SEC31A: variants seen among roughly 807,000 people sequenced by gnomAD.
SEC31A encodes SEC31 homolog A, COPII component.
Under a neutral mutation model 151.0 loss-of-function variants are expected in SEC31A, and 70 were observed. The observed-to-expected ratio is 0.46, with a 90% confidence interval of 0.38 to 0.57. The LOEUF (loss-of-function observed/expected upper bound fraction) is 0.57. Among genes scored for constraint, SEC31A ranks in the 20% least tolerant of loss-of-function variants. SEC31A has a pLI of 0.00. For synonymous variants in SEC31A, 475 were observed against 505.9 expected (o/e 0.94, Z 0.82); for missense variants, 1,330 against 1,471.2 (o/e 0.90, Z 1.57).
chr4:82,880,428 A>G (rs1739014778), intron 3 of SEC31A, among the ~76,000 whole-genome samples: 1 of 151,180 alleles, frequency 6.6e-6, no homozygotes, highest in Non-Finnish European at 1.5e-5. Context: ...TGTCGCTACT[A>G]AAGACACAAA....
intron 26 of SEC31A, 45 bp downstream of exon 26, chr4:82,820,992 C>T (rs1723185034): frequency 6.6e-7 from 1 of 1,519,062 alleles, no homozygotes; most frequent in South Asian, 1.1e-5. Flanking sequence ...TTACTAGCAA[C>T]TAGGAATAAA....
chr4:82,872,905 A>G (rs899886706), intron 6 of SEC31A, among the ~76,000 whole-genome samples: 2 of 152,064 alleles, frequency 1.3e-5, no homozygotes, highest in Non-Finnish European at 2.9e-5. Flanking sequence ...GGGTTTCACC[A>G]TGTTGCCCAG....
rs558262274 is a variant in SEC31A at position 82,878,672 on chromosome 4, T to C, written c.402+58A>G. 7.6e-5 allele frequency: 108 copies of C among 1,421,162 alleles called. No individual in the cohort carries two copies. In the African/African-American group the frequency reaches 1.3e-3, roughly 17 times the overall value. 88.0% of individuals were successfully genotyped at this position (1,421,162 alleles called of 1,614,324 possible). A position where few individuals can be genotyped will look rare whatever the true frequency, so the allele number is the denominator to read the frequency against. On this transcript the variant is annotated intron_variant, in intron 4 of 26. Coordinates refer to ENST00000395310, the MANE Select transcript of SEC31A (RefSeq NM_001077207.4). ...AAAACTGAGGCATAGTAGATTCATA[T>C]ACTGATTTCAAATGAGCAGCACATA... is the stretch of plus-strand genomic sequence containing the variant.
chr4:82,870,196 A>G, intron 8 of SEC31A, 129 bp downstream of exon 8: 1 of 588,490 alleles, frequency 1.7e-6, no homozygotes, highest in Non-Finnish European at 2.9e-6. Flanking sequence ...CCAAATAAAC[A>G]CTGCACACAC....
chr4:82,885,667 C>A (rs1279272557), intron 1 of SEC31A, among the ~76,000 whole-genome samples: 1 of 152,174 alleles, frequency 6.6e-6, no homozygotes, highest in Non-Finnish European at 1.5e-5. Context: ...TGACTCATAG[C>A]CATTACAGAT....
At chr4:82,865,581 T>TATATATATATAC (rs1553932978) in intron 10 of SEC31A, among the ~76,000 whole-genome samples, 2 of 96,450 alleles carry the variant, frequency 2.1e-5, no homozygotes, top group Non-Finnish European at 4.6e-5. Context: ...TATATATATA[T>TATATATATATAC]ATACAATGCA....
rs1369058621 is a variant in SEC31A, at chr4:82,878,762, G to C, written c.370C>G (p.Pro124Ala). Residue 124 changes from proline (P) to alanine (A), a missense_variant, in exon 4 of 27, where the codon CCA (proline) becomes GCA (alanine). Coordinates refer to ENST00000395310, the MANE Select transcript of SEC31A (RefSeq NM_001077207.4). ...ATGTTCACATCCAAGGCTCTCACTG[G>C]GCCAGTATGCTTGTCATTCTGGGCA... ...VIAQNDKHTG[P>A]VRALDVNIFQ... The C allele has an allele frequency of 6.2e-7, 1 of 1,613,938 alleles. No individual in the cohort carries two copies. Among genetic ancestry groups the C allele is most frequent in the Non-Finnish European group, 8.5e-7 (1 of 1,179,918 alleles).
intron 7 of SEC31A, chr4:82,871,562 G>A: frequency 1.5e-6 from 1 of 655,198 alleles, no homozygotes; most frequent in Non-Finnish European, 2.6e-6. Flanking sequence ...GATCACTTGA[G>A]GTCAGAAGTT....
upstream of SEC31A, among the ~76,000 whole-genome samples, chr4:82,892,566 T>C (rs1264894247): frequency 1.3e-5 from 2 of 152,252 alleles, no homozygotes; most frequent in East Asian, 1.9e-4. Flanking sequence ...TAATTATCCA[T>C]TTTTATAAAT....
intron 10 of SEC31A, among the ~76,000 whole-genome samples, chr4:82,865,808 A>C (rs1735241304): frequency 2.6e-5 from 4 of 152,066 alleles, no homozygotes; most frequent in Admixed American, 2.6e-4. Flanking sequence ...CTGTTGTTCA[A>C]GGGCACAGAG....
intron 25 of SEC31A, among the ~76,000 whole-genome samples, chr4:82,823,847 C>T (rs558986368): frequency 6.2e-4 from 94 of 152,326 alleles, no homozygotes; most frequent in African/African-American, 2.2e-3. Context: ...CACCATTATG[C>T]TCCATTTATG....
chr4:82,874,628 T>C lies in SEC31A; in HGVS notation c.622A>G (p.Ser208Gly), dbSNP rs1439322963. The C allele has an allele frequency of 5.0e-6, 8 of 1,609,844 alleles. No individual in the cohort carries two copies. Among genetic ancestry groups the C allele is most frequent in the Non-Finnish European group, 6.8e-6 (8 of 1,179,310 alleles). The change falls in exon 6 of 27, where the codon AGT (serine) becomes GGT (glycine). Residue 208 changes from serine to glycine, a missense_variant. Coordinates refer to ENST00000395310, the MANE Select transcript of SEC31A (RefSeq NM_001077207.4). ...ATACTTACTCTGTTACTATGGTCAC[T>C]GACTTTGATGATTGGCTCATTTTTT... ...LRKNEPIIKV[S>G]DHSNRMHCSG...
chr4:82,853,899 A>T (rs1731984757), intron 17 of SEC31A, among the ~76,000 whole-genome samples, 184 bp from the exon 18 acceptor site: 1 of 152,238 alleles, frequency 6.6e-6, no homozygotes. Flanking sequence ...GGAATGAAAA[A>T]TTGTATACAA....
chr4:82,872,068 C>T lies in SEC31A; in HGVS notation c.658G>A (p.Ala220Thr), dbSNP rs1418430954. ...HSNRMHCSGL[A>T]WHPDVATQMV... ...TGAGTAGCAACATCAGGATGCCATG[C>T]CAACCCAGAACAATGCATCTGAAGA... is the stretch of plus-strand genomic sequence containing the variant. Residue 220 changes from alanine to threonine, a missense_variant, in exon 7 of 27, where the codon GCA (alanine) becomes ACA (threonine). Coordinates refer to ENST00000395310, the MANE Select transcript of SEC31A (RefSeq NM_001077207.4). 6.2e-7 allele frequency: 1 copy of T among 1,613,748 alleles called. No individual in the cohort carries two copies. The highest frequency in any genetic ancestry group is 1.7e-5 in the Admixed American group (1 of 59,996).
At chr4:82,838,570 C>A (rs1358778141) in intron 22 of SEC31A, among the ~76,000 whole-genome samples, 2 of 152,188 alleles carry the variant, frequency 1.3e-5, no homozygotes, top group Non-Finnish European at 2.9e-5. Flanking sequence ...TTTGACTGCA[C>A]CACTCAGCAG....
chr4:82,840,311 G>A (rs1283346051), intron 22 of SEC31A, among the ~76,000 whole-genome samples: 2 of 151,808 alleles, frequency 1.3e-5, no homozygotes, highest in East Asian at 1.9e-4. Flanking sequence ...TCCAACCCAC[G>A]CCACCTCTTT....
intron 23 of SEC31A, among the ~76,000 whole-genome samples, chr4:82,828,673 CAAAAAAAAAAA>C (rs397994259): frequency 3.2e-4 from 14 of 44,116 alleles, no homozygotes; most frequent in South Asian, 3.3e-3. Context: ...CAAAGTAACT[CAAAAAAAAAAA>C]AAAAAAAAAA....
At chr4:82,825,020 G>A (rs1355084328) in intron 24 of SEC31A, among the ~76,000 whole-genome samples, 1 of 152,158 alleles carries the variant, frequency 6.6e-6, no homozygotes, top group African/African-American at 2.4e-5. Flanking sequence ...AAACACACTC[G>A]GCTGGTTAGA....
At chr4:82,846,470 A>G (rs1194296467) in intron 20 of SEC31A, among the ~76,000 whole-genome samples, 1 of 151,162 alleles carries the variant, frequency 6.6e-6, no homozygotes, top group Non-Finnish European at 1.5e-5. Context: ...ATTTTTTTCA[A>G]TAGAAGTTAC....
Sources: allele counts gnomAD v4.1 joint callset (sites outside exome capture counted in the v4.1 genomes callset), GRCh38; gene constraint gnomAD v4.1.1; transcripts MANE v1.5; gene names NCBI Gene and HGNC (gene_info 2026-07-23, HGNC 2026-07-21).